RAD51B: variants seen among roughly 807,000 people sequenced by gnomAD.
RAD51B encodes the protein DNA repair protein RAD51 homolog 2.
A neutral mutation model predicts 42.2 loss-of-function variants in RAD51B; 38 were observed. The observed-to-expected ratio is 0.90, with a 90% CI of 0.70 to 1.18. The LOEUF is 1.18. Ranked by LOEUF, RAD51B falls within the 50% of genes most tolerant of loss-of-function variation. The pLI, the probability that RAD51B is intolerant of heterozygous loss-of-function variation, is 0.00. For synonymous variants in RAD51B, 154 were observed against 145.2 expected (o/e 1.06, Z -0.43); for missense variants, 373 against 400.7 (o/e 0.93, Z 0.59).
chr14:68,436,494 T>C (rs185728403), intron 9 of RAD51B, among the ~76,000 whole-genome samples: 1 of 152,308 alleles, frequency 6.6e-6, no homozygotes, highest in Admixed American at 6.5e-5. Flanking sequence ...GATTGCTTTG[T>C]CTATTCAGGC....
intron 7 of RAD51B, among the ~76,000 whole-genome samples, chr14:68,048,259 A>T (rs1011152428): frequency 6.6e-6 from 1 of 152,138 alleles, no homozygotes; most frequent in East Asian, 1.9e-4. Flanking sequence ...ATGTCTGTTC[A>T]TATCCTTCGC....
intron 8 of RAD51B, among the ~76,000 whole-genome samples, chr14:68,380,076 C>T (rs1026103427): frequency 1.1e-4 from 16 of 152,146 alleles, no homozygotes; most frequent in Admixed American, 3.3e-4. Flanking sequence ...TCCTGAAATC[C>T]CAGGCTTTTA....
chr14:68,165,453 T>A (rs1445930650), intron 7 of RAD51B, among the ~76,000 whole-genome samples: 1 of 152,168 alleles, frequency 6.6e-6, no homozygotes, highest in Non-Finnish European at 1.5e-5. Context: ...GGGCCGCTTT[T>A]ATGGGGAAGA....
chr14:68,655,545 G>C (rs934962587), intron 11 of RAD51B, among the ~76,000 whole-genome samples: 1 of 152,190 alleles, frequency 6.6e-6, no homozygotes, highest in Non-Finnish European at 1.5e-5. Context: ...GCAGGCGTGT[G>C]GGGGAGATGG....
intron 7 of RAD51B, among the ~76,000 whole-genome samples, chr14:67,940,947 T>C (rs2140181301): frequency 6.6e-6 from 1 of 152,212 alleles, no homozygotes; most frequent in East Asian, 1.9e-4. Flanking sequence ...CGTGGTCATA[T>C]GCTTGCCCAG....
chr14:68,127,061 C>G (rs932568829), intron 7 of RAD51B, among the ~76,000 whole-genome samples: 1 of 152,202 alleles, frequency 6.6e-6, no homozygotes, highest in African/African-American at 2.4e-5. Flanking sequence ...AAGTAGTTAT[C>G]CTCTGCTCTG....
intron 7 of RAD51B, among the ~76,000 whole-genome samples, chr14:68,062,174 C>CT (rs777762819): frequency 1.2e-4 from 18 of 151,974 alleles, no homozygotes; most frequent in Non-Finnish European, 2.6e-4. Flanking sequence ...GTTATTTATT[C>CT]TGTTGATATG....
chr14:68,676,289 A>T (rs535031425), intron 11 of RAD51B, among the ~76,000 whole-genome samples: 1 of 152,202 alleles, frequency 6.6e-6, no homozygotes, highest in Non-Finnish European at 1.5e-5. Flanking sequence ...CAGCTGGTAC[A>T]TGGAAGCTAG....
chr14:68,274,324 A>G (rs1203865231), intron 7 of RAD51B, among the ~76,000 whole-genome samples: 2 of 152,094 alleles, frequency 1.3e-5, no homozygotes, highest in African/African-American at 4.8e-5. Flanking sequence ...CCATGATTAC[A>G]TTTACTTTCT....
intron 10 of RAD51B, among the ~76,000 whole-genome samples, chr14:68,645,406 CAGTT>C (rs906921066): frequency 6.6e-5 from 10 of 152,194 alleles, no homozygotes; most frequent in Non-Finnish European, 8.8e-5. Context: ...CATCGACAGA[CAGTT>C]AGGTTGCTTT....
chr14:68,017,981 T>TAAATAA (rs1444123357), intron 7 of RAD51B, among the ~76,000 whole-genome samples: 1 of 151,840 alleles, frequency 6.6e-6, no homozygotes, highest in Non-Finnish European at 1.5e-5. Context: ...AATAAATAAA[T>TAAATAA]AAATAAATAA....
chr14:68,541,984 C>T (rs1335746588), intron 10 of RAD51B, among the ~76,000 whole-genome samples: 5 of 152,156 alleles, frequency 3.3e-5, no homozygotes, highest in Admixed American at 6.5e-5. Context: ...TCTCAATATA[C>T]ATATATTTCT....
chr14:67,951,415 A>G (rs2074443903), intron 7 of RAD51B, among the ~76,000 whole-genome samples: 1 of 152,246 alleles, frequency 6.6e-6, no homozygotes, highest in Non-Finnish European at 1.5e-5. Context: ...GAAATTAAAC[A>G]TTAAATGGTT....
In RAD51B at chr14:68,233,806, A is replaced by G. The variant is rs558195562; in HGVS notation, c.757-58078A>G. ...AATGCAAAGAGGTGTGAAAGAGCAT[A>G]GTATATTCAGGGTGAAAAAATACAT... On this transcript the variant is annotated intron_variant, in intron 7 of 10. Transcript: ENST00000471583. Among the ~76,000 whole-genome samples, 8 of 152,352 alleles carry G rather than the reference A, an allele frequency of 5.3e-5. No homozygotes were observed. In the East Asian group the frequency reaches 1.3e-3, roughly 26 times the overall value.
intron 9 of RAD51B, among the ~76,000 whole-genome samples, chr14:68,450,206 CTTTTTTTTTTT>C (rs67536658): frequency 7.3e-4 from 35 of 47,906 alleles, no homozygotes; most frequent in African/African-American, 2.6e-3. Context: ...GAGCTTAGGG[CTTTTTTTTTTT>C]TTTTTTTTTT....
At chr14:68,681,681 CA>C (rs770737149) in intron 11 of RAD51B, among the ~76,000 whole-genome samples, 14 of 152,110 alleles carry the variant, frequency 9.2e-5, no homozygotes, top group Non-Finnish European at 1.3e-4. Flanking sequence ...ACCAGCCTCC[CA>C]AACACCTGTG....
At chr14:67,919,803 T>G (rs1263545798) in intron 7 of RAD51B, among the ~76,000 whole-genome samples, 1 of 152,214 alleles carries the variant, frequency 6.6e-6, no homozygotes, top group Non-Finnish European at 1.5e-5. Context: ...TCCCCTTCAG[T>G]TCTCTGCTGC....
intron 7 of RAD51B, among the ~76,000 whole-genome samples, chr14:68,073,038 A>C (rs68139749): frequency 0.26 from 40,039 of 152,020 alleles, 6,911 homozygotes; most frequent in African/African-American, 0.49. Context: ...CTTTAGATGT[A>C]TGTTTAGTGT....
chr14:68,087,932 A>G (rs2077017615), intron 7 of RAD51B, among the ~76,000 whole-genome samples: 1 of 116,480 alleles, frequency 8.6e-6, no homozygotes, highest in Non-Finnish European at 1.6e-5. Context: ...ATATATAATT[A>G]TATAATTTAT....
Sources: gnomAD v4.1 joint callset for allele counts (sites outside exome capture counted in the v4.1 genomes callset) on GRCh38, gnomAD v4.1.1 for gene constraint, MANE v1.5 for transcripts, NCBI Gene and HGNC (gene_info 2026-07-23, HGNC 2026-07-21) for gene names.